Variants in CTTNBP2 observed in about 807,000 individuals in gnomAD.
The protein encoded by CTTNBP2 is cortactin binding protein 2.
Under a neutral mutation model 156.9 loss-of-function variants are expected in CTTNBP2, and 108 were observed. That is an observed-to-expected ratio of 0.69 (90% CI 0.59 to 0.81). CTTNBP2 has a LOEUF of 0.81. CTTNBP2 is among the 30% of genes least tolerant of loss of function. CTTNBP2 has a pLI of 0.00. For missense variants in CTTNBP2, 1,924 were observed against 2,035.4 expected, an observed-to-expected ratio of 0.95 and a Z score of 1.05; for synonymous variants, 767 against 751.8, an observed-to-expected ratio of 1.02 and a Z score of -0.33.
intron 3 of CTTNBP2, among the ~76,000 whole-genome samples, chr7:117,801,030 G>A (rs1054453644): frequency 6.6e-6 from 1 of 152,050 alleles, no homozygotes; most frequent in African/African-American, 2.4e-5. Flanking sequence ...GCCAAATCGG[G>A]GACAGATAGT....
chr7:117,780,608 G>T lies in CTTNBP2; in HGVS notation c.2373-17C>A. The T allele has an allele frequency of 1.3e-6, 2 of 1,518,348 alleles. No homozygotes were observed. Among genetic ancestry groups the T allele is most frequent in the Non-Finnish European group, 1.8e-6 (2 of 1,131,600 alleles). 94.1% of individuals were successfully genotyped at this position (1,518,348 alleles called of 1,614,324 possible). A position where few individuals can be genotyped will look rare whatever the true frequency, so the allele number is the denominator to read the frequency against. ...TCTACACACCTAAACACAAGATTAG[G>T]ATTAATTACATAAAACCTGGGTTTG... On this transcript the variant is annotated splice_polypyrimidine_tract_variant and intron_variant, in intron 6 of 22. Transcript: ENST00000160373.
chr7:117,872,483 G>A (rs1394936557), intron 1 of CTTNBP2, among the ~76,000 whole-genome samples: 1 of 152,140 alleles, frequency 6.6e-6, no homozygotes, highest in African/African-American at 2.4e-5. Flanking sequence ...TTCCACCCAG[G>A]AAATGTGGGT....
At chr7:117,842,668 T>G (rs944000353) in intron 2 of CTTNBP2, among the ~76,000 whole-genome samples, 1 of 151,860 alleles carries the variant, frequency 6.6e-6, no homozygotes, top group African/African-American at 2.4e-5. Context: ...AAGAAGAAAA[T>G]AGAGATAGAA....
chr7:117,727,667 A>G (rs748856392), intron 17 of CTTNBP2, among the ~76,000 whole-genome samples: 1 of 152,192 alleles, frequency 6.6e-6, no homozygotes, highest in Non-Finnish European at 1.5e-5. Flanking sequence ...CTTATTGTAT[A>G]TATGTCTGTT....
At chr7:117,863,318 G>A (rs953336415) in intron 1 of CTTNBP2, among the ~76,000 whole-genome samples, 5 of 152,332 alleles carry the variant, frequency 3.3e-5, no homozygotes, top group South Asian at 4.1e-4. Context: ...CATAAATCAT[G>A]TATAGTTCTG....
intron 3 of CTTNBP2, among the ~76,000 whole-genome samples, chr7:117,796,024 T>C (rs1368695255): frequency 6.6e-6 from 1 of 152,180 alleles, no homozygotes; most frequent in African/African-American, 2.4e-5. Flanking sequence ...ACTGACTTAG[T>C]CTCTCTTTAC....
At chr7:117,793,793 G>C (rs1306800121) in intron 3 of CTTNBP2, among the ~76,000 whole-genome samples, 1 of 152,206 alleles carries the variant, frequency 6.6e-6, no homozygotes, top group African/African-American at 2.4e-5. Context: ...CCTAGACAGG[G>C]AGCTTTCAAA....
At chr7:117,828,554 G>A (rs1316319098) in intron 2 of CTTNBP2, among the ~76,000 whole-genome samples, 1 of 152,154 alleles carries the variant, frequency 6.6e-6, no homozygotes, top group Admixed American at 6.5e-5. Flanking sequence ...TGTAGGTAAT[G>A]TATGAACTGC....
chr7:117,792,845 C>T lies in CTTNBP2; in HGVS notation c.415-64G>A, dbSNP rs1799110001. ...GAATTTTCTTTTCACCAAGGAAATG[C>T]TTTTTGTGAGATTTTTATTAATTTT... On this transcript the variant is annotated intron_variant, in intron 3 of 22. Coordinates refer to ENST00000160373, the MANE Select transcript of CTTNBP2 (RefSeq NM_033427.3). The surrounding 1 kb of genome is among the most constrained non-coding windows in gnomAD (Gnocchi z 4.2). 8.6e-7 allele frequency: 1 copy of T among 1,166,606 alleles called. No individual in the cohort carries two copies. The highest frequency in any genetic ancestry group is 1.1e-6 in the Non-Finnish European group (1 of 872,532). The allele number at this position is 1,166,606 out of a possible 1,614,324, so 72.3% of individuals were successfully genotyped here. A position where few individuals can be genotyped will look rare whatever the true frequency, so the allele number is the denominator to read the frequency against.
At chr7:117,801,908 T>G (rs1032008607) in intron 3 of CTTNBP2, among the ~76,000 whole-genome samples, 2 of 152,108 alleles carry the variant, frequency 1.3e-5, no homozygotes, top group Admixed American at 6.5e-5. Flanking sequence ...TTTTTTTTAT[T>G]TTTTTATTTT....
At chr7:117,748,406 T>C (rs1319734752) in intron 12 of CTTNBP2, among the ~76,000 whole-genome samples, 1 of 152,174 alleles carries the variant, frequency 6.6e-6, no homozygotes. Flanking sequence ...TTTGGTAATT[T>C]CTCCTCTTCT....
chr7:117,762,605 A>G (rs542297435), intron 9 of CTTNBP2, among the ~76,000 whole-genome samples: 1 of 152,314 alleles, frequency 6.6e-6, no homozygotes, highest in East Asian at 1.9e-4. Context: ...ATATGCATGT[A>G]CTAACAGCTG....
chr7:117,757,048 G>T (rs1356539034), intron 11 of CTTNBP2, among the ~76,000 whole-genome samples: 2 of 152,158 alleles, frequency 1.3e-5, no homozygotes, highest in Non-Finnish European at 2.9e-5. Context: ...GCCACCGTTA[G>T]GTCCACTGGC....
intron 14 of CTTNBP2, among the ~76,000 whole-genome samples, chr7:117,741,167 G>A (rs886487350): frequency 3.3e-5 from 5 of 152,122 alleles, no homozygotes; most frequent in African/African-American, 1.2e-4. Flanking sequence ...TTAATGATGA[G>A]GCCTCTACAA....
intron 3 of CTTNBP2, among the ~76,000 whole-genome samples, chr7:117,802,787 C>T (rs1799707937): frequency 6.6e-6 from 1 of 152,120 alleles, no homozygotes; most frequent in South Asian, 2.1e-4. Flanking sequence ...AAACAATGCT[C>T]TATATCACTA....
intron 19 of CTTNBP2, among the ~76,000 whole-genome samples, chr7:117,724,300 A>G (rs779421390): frequency 3.9e-5 from 6 of 152,222 alleles, no homozygotes; most frequent in Non-Finnish European, 5.9e-5. Context: ...TAAATAAATG[A>G]CCATTAACAA....
intron 2 of CTTNBP2, among the ~76,000 whole-genome samples, chr7:117,821,437 T>A (rs997601754): frequency 6.6e-6 from 1 of 152,112 alleles, no homozygotes; most frequent in Non-Finnish European, 1.5e-5. Flanking sequence ...CTGTTGAAAT[T>A]TTTCAAATAT....
chr7:117,743,956 T>C (rs1459194947), intron 14 of CTTNBP2, among the ~76,000 whole-genome samples: 4 of 151,960 alleles, frequency 2.6e-5, no homozygotes, highest in Non-Finnish European at 4.4e-5. Context: ...GCCCCTAAAA[T>C]GTGCTTCTAG....
intron 22 of CTTNBP2, among the ~76,000 whole-genome samples, chr7:117,713,385 A>C (rs774462762): frequency 2.4e-4 from 37 of 152,146 alleles, no homozygotes; most frequent in Non-Finnish European, 5.0e-4. Context: ...CACACTTCAA[A>C]TTCTTTCTAA....
Sources: allele counts gnomAD v4.1 joint callset (sites outside exome capture counted in the v4.1 genomes callset), GRCh38; gene constraint gnomAD v4.1.1; non-coding constraint Gnocchi (gnomAD v3.1); transcripts MANE v1.5; gene names NCBI Gene and HGNC (gene_info 2026-07-23, HGNC 2026-07-21).